CWC27: variants seen among roughly 807,000 people sequenced by gnomAD.
CWC27 encodes the protein CWC27 spliceosome associated cyclophilin.
A neutral mutation model predicts 63.6 loss-of-function variants in CWC27; 47 were observed. The ratio of observed to expected loss-of-function variants is 0.74; its 90% confidence interval spans 0.58 to 0.94. The LOEUF is 0.94. Ranked by LOEUF, CWC27 falls within the 40% of genes least tolerant of loss-of-function variation. CWC27 has a pLI of 0.00. For synonymous variants in CWC27, 175 were observed against 179.8 expected (o/e 0.97, Z 0.22); for missense variants, 495 against 554.3 (o/e 0.89, Z 1.07).
chr5:64,894,361 T>C (rs937677770), intron 11 of CWC27, among the ~76,000 whole-genome samples: 1 of 152,206 alleles, frequency 6.6e-6, no homozygotes, highest in Admixed American at 6.5e-5. Flanking sequence ...TACTTGTTTT[T>C]CAATGTGATC....
chr5:64,776,659 A>G (rs1396104585), intron 2 of CWC27, among the ~76,000 whole-genome samples: 1 of 152,136 alleles, frequency 6.6e-6, no homozygotes, highest in East Asian at 1.9e-4. Flanking sequence ...ATACTCCTAA[A>G]TAAGTTAAGT....
intron 10 of CWC27, among the ~76,000 whole-genome samples, chr5:64,878,015 A>C (rs1561444031): frequency 1.3e-5 from 2 of 151,966 alleles, no homozygotes; most frequent in African/African-American, 2.4e-5. Flanking sequence ...AAGGAATTAA[A>C]ATGATCTGCG....
At chr5:64,956,938 A>T (rs1228020775) in intron 11 of CWC27, among the ~76,000 whole-genome samples, 1 of 152,138 alleles carries the variant, frequency 6.6e-6, no homozygotes, top group Non-Finnish European at 1.5e-5. Context: ...TGTGTCTTAG[A>T]CATGCTAGAT....
At chr5:64,793,755 G>C (rs551069321) in intron 7 of CWC27, among the ~76,000 whole-genome samples, 2 of 152,160 alleles carry the variant, frequency 1.3e-5, no homozygotes, top group African/African-American at 4.8e-5. Context: ...TTCTTCATTT[G>C]TTTATCAAGT....
intron 11 of CWC27, among the ~76,000 whole-genome samples, chr5:64,895,448 T>G (rs962610076): frequency 5.3e-5 from 8 of 152,120 alleles, no homozygotes; most frequent in Non-Finnish European, 8.8e-5. Context: ...AAGAATTTAG[T>G]TGGAAATGGC....
chr5:64,817,334 G>A (rs919610046), intron 10 of CWC27, among the ~76,000 whole-genome samples: 1 of 152,014 alleles, frequency 6.6e-6, no homozygotes, highest in African/African-American at 2.4e-5. Flanking sequence ...TCTACCAGGG[G>A]TACTTATTCA....
At chr5:64,884,172 A>G (rs1051147629) in intron 10 of CWC27, 32 of 152,302 alleles carry the variant, frequency 2.1e-4, no homozygotes, top group East Asian at 1.9e-3. Context: ...TAGATAGCCA[A>G]TTAGGGCTAG....
chr5:64,948,960 A>C (rs1295505289), intron 11 of CWC27, among the ~76,000 whole-genome samples: 1 of 152,034 alleles, frequency 6.6e-6, no homozygotes, highest in Non-Finnish European at 1.5e-5. Flanking sequence ...ATAGTAGATA[A>C]TTTTGATGAA....
At chr5:64,967,439 T>C (rs1205282328) in intron 11 of CWC27, among the ~76,000 whole-genome samples, 2 of 151,990 alleles carry the variant, frequency 1.3e-5, no homozygotes, top group Non-Finnish European at 2.9e-5. Flanking sequence ...TTAAAATTTA[T>C]ATGGAAAGGC....
chr5:64,998,111 C>G (rs1225515089), intron 13 of CWC27, among the ~76,000 whole-genome samples: 1 of 152,142 alleles, frequency 6.6e-6, no homozygotes, highest in African/African-American at 2.4e-5. Context: ...AGGATGAAGA[C>G]AGCTCTTCTG....
At chr5:64,845,356 A>G (rs568486683) in intron 10 of CWC27, among the ~76,000 whole-genome samples, 2 of 152,322 alleles carry the variant, frequency 1.3e-5, no homozygotes, top group African/African-American at 4.8e-5. Flanking sequence ...CCCAAAAGAA[A>G]CTAATAAAGC....
intron 7 of CWC27, among the ~76,000 whole-genome samples, chr5:64,795,331 T>C (rs556572443): frequency 3.9e-5 from 6 of 152,342 alleles, no homozygotes; most frequent in African/African-American, 1.4e-4. Flanking sequence ...TACAAAGGTG[T>C]TAACATATTT....
At position 64,769,045 on chromosome 5, in the gene CWC27, C is replaced by T; in HGVS notation, c.-102C>T. 2.1e-6 allele frequency: 2 copies of T among 945,878 alleles called. No individual in the cohort carries two copies. Among genetic ancestry groups the T allele is most frequent in the South Asian group, 1.3e-5 (1 of 75,662 alleles). The allele number at this position is 945,878 out of a possible 1,614,324, so 58.6% of individuals were successfully genotyped here. ...ATTGACAAACTGAAGCTTTCCTGCA[C>T]CACTGGACTTAAGGAAGAGTGTACT... is the stretch of plus-strand genomic sequence containing the variant. On this transcript the variant is annotated 5_prime_UTR_variant, in exon 1 of 14. Transcript: ENST00000381070.
intron 10 of CWC27, among the ~76,000 whole-genome samples, chr5:64,836,398 A>G (rs751294302): frequency 4.6e-5 from 7 of 152,056 alleles, no homozygotes; most frequent in South Asian, 2.1e-4. Context: ...CTATTTTTAA[A>G]TTTCACTTTA....
At chr5:64,829,873 TA>T (rs1561425722) in intron 10 of CWC27, among the ~76,000 whole-genome samples, 1 of 151,844 alleles carries the variant, frequency 6.6e-6, no homozygotes, top group Admixed American at 6.6e-5. Context: ...AACTCCCACT[TA>T]AAAGTGAGAA....
intron 10 of CWC27, among the ~76,000 whole-genome samples, chr5:64,858,746 C>A (rs184607433): frequency 4.7e-4 from 72 of 151,800 alleles, no homozygotes; most frequent in Admixed American, 2.8e-3. Flanking sequence ...AATGAAAAAA[C>A]CAGATGTTAG....
At chr5:64,850,747 G>A (rs1194462766) in intron 10 of CWC27, among the ~76,000 whole-genome samples, 1 of 151,956 alleles carries the variant, frequency 6.6e-6, no homozygotes, top group Non-Finnish European at 1.5e-5. Flanking sequence ...TAAAACCTGG[G>A]GACGGGACCT....
chr5:64,774,264 TCTCAA>T (rs754087618), intron 1 of CWC27, among the ~76,000 whole-genome samples: 4 of 152,156 alleles, frequency 2.6e-5, no homozygotes, highest in Non-Finnish European at 4.4e-5. Context: ...CAAGTGATCC[TCTCAA>T]CTCGGCCTCC....
chr5:64,832,287 G>A (rs141695650), intron 10 of CWC27, among the ~76,000 whole-genome samples: 243 of 151,864 alleles, frequency 1.6e-3, no homozygotes, highest in African/African-American at 4.5e-3. Flanking sequence ...ATTTGTTAAT[G>A]TCATCCCTTA....
Sources: allele counts gnomAD v4.1 joint callset (sites outside exome capture counted in the v4.1 genomes callset), GRCh38; gene constraint gnomAD v4.1.1; transcripts MANE v1.5; gene names NCBI Gene and HGNC (gene_info 2026-07-23, HGNC 2026-07-21).